VWA8: variants seen among roughly 807,000 people sequenced by gnomAD.
The protein encoded by VWA8 is von Willebrand factor A domain-containing protein 8.
Under a neutral mutation model 241.5 loss-of-function variants are expected in VWA8, and 221 were observed. The observed-to-expected ratio is 0.91, with a 90% CI of 0.82 to 1.02. The LOEUF is 1.02. VWA8 is among the 50% of genes least tolerant of loss of function. The pLI, the probability that VWA8 is intolerant of heterozygous loss-of-function variation, is 0.00. For synonymous variants in VWA8, 852 were observed against 827.1 expected, an observed-to-expected ratio of 1.03 and a Z score of -0.52; for missense variants, 2,322 against 2,328.7, an observed-to-expected ratio of 1.00 and a Z score of 0.06.
Position 41,912,185 on chromosome 13 carries a change from G to T in VWA8, c.242-17C>A, listed in dbSNP as rs1566037045. The T allele has an allele frequency of 6.4e-7, 1 of 1,569,032 alleles. No homozygotes were observed. The highest frequency in any genetic ancestry group is 1.8e-5 in the Admixed American group (1 of 55,562). On this transcript the variant is annotated splice_polypyrimidine_tract_variant and intron_variant, in intron 2 of 44. Transcript: ENST00000379310. ...AGTCTGAAACTATAAAGAAAAAAGA[G>T]AAAATGAAGTGCAAATTTAAGTATT...
intron 20 of VWA8, among the ~76,000 whole-genome samples, chr13:41,772,097 T>C (rs1049320441): frequency 7.4e-5 from 11 of 148,896 alleles, no homozygotes; most frequent in African/African-American, 2.5e-4. Context: ...TCCATGTTGG[T>C]CAGGCTGGTC....
intron 20 of VWA8, among the ~76,000 whole-genome samples, chr13:41,775,855 C>T (rs1289492300): frequency 6.6e-6 from 1 of 152,158 alleles, no homozygotes; most frequent in Non-Finnish European, 1.5e-5. Flanking sequence ...CTCTGAATAG[C>T]TCTCCCCAAT....
intron 14 of VWA8, among the ~76,000 whole-genome samples, chr13:41,821,737 T>C (rs1016309442): frequency 6.6e-6 from 1 of 152,156 alleles, no homozygotes; most frequent in Non-Finnish European, 1.5e-5. Context: ...TTTAAAACAA[T>C]TTTTAAAATA....
chr13:41,774,915 A>C (rs1868518939), intron 20 of VWA8, among the ~76,000 whole-genome samples: 1 of 152,120 alleles, frequency 6.6e-6, no homozygotes, highest in Non-Finnish European at 1.5e-5. Flanking sequence ...GTCTTTGGGT[A>C]CCCAGCTTAT....
chr13:41,627,138 G>T (rs1019519201), intron 37 of VWA8, among the ~76,000 whole-genome samples: 1 of 152,036 alleles, frequency 6.6e-6, no homozygotes, highest in Non-Finnish European at 1.5e-5. Context: ...AGATGTACAC[G>T]TGGCCAAAAA....
At chr13:41,714,524 T>G (rs754280186) in intron 26 of VWA8, among the ~76,000 whole-genome samples, 1 of 151,972 alleles carries the variant, frequency 6.6e-6, no homozygotes, top group African/African-American at 2.4e-5. Flanking sequence ...ACCACAATCT[T>G]TGAGAAGTCT....
chr13:41,949,850 A>C, intron 2 of VWA8, 86 bp downstream of exon 2: 4 of 751,380 alleles, frequency 5.3e-6, no homozygotes, highest in Non-Finnish European at 8.5e-6. Flanking sequence ...GGTTTATACT[A>C]TTCTCTCTAG....
chr13:41,740,199 G>A (rs1336169297), intron 21 of VWA8, among the ~76,000 whole-genome samples: 1 of 152,088 alleles, frequency 6.6e-6, no homozygotes, highest in Non-Finnish European at 1.5e-5. Flanking sequence ...AGATACCTCT[G>A]AGGAATCAGA....
At chr13:41,669,259 TC>T (rs1276628780) in intron 37 of VWA8, among the ~76,000 whole-genome samples, 2 of 152,256 alleles carry the variant, frequency 1.3e-5, no homozygotes, top group Non-Finnish European at 2.9e-5. Context: ...AGATGTTAGA[TC>T]CATAATTCTG....
At chr13:41,675,875 G>T (rs1241663637) in intron 35 of VWA8, among the ~76,000 whole-genome samples, 1 of 152,080 alleles carries the variant, frequency 6.6e-6, no homozygotes, top group Non-Finnish European at 1.5e-5. Context: ...GCAAAGCACC[G>T]ACAGGGGTTG....
chr13:41,600,888 C>T (rs189751699), intron 40 of VWA8, among the ~76,000 whole-genome samples: 6 of 152,160 alleles, frequency 3.9e-5, no homozygotes, highest in South Asian at 4.2e-4. Flanking sequence ...ATTTCAATTA[C>T]GCTGGCTCAG....
intron 20 of VWA8, among the ~76,000 whole-genome samples, chr13:41,766,566 A>G (rs139956996): frequency 1.4e-4 from 21 of 152,302 alleles, no homozygotes; most frequent in Non-Finnish European, 2.8e-4. Flanking sequence ...TTACCTTTCC[A>G]TATCCATATC....
At chr13:41,922,786 C>T (rs1288082617) in intron 2 of VWA8, among the ~76,000 whole-genome samples, 2 of 152,204 alleles carry the variant, frequency 1.3e-5, no homozygotes, top group Non-Finnish European at 2.9e-5. Context: ...TAGGAAACAA[C>T]AGGTTCTAGA....
rs768190464 is a variant in VWA8 at position 41,868,393 on chromosome 13, G to A, written c.1165C>T (p.Gln389Ter). ...VEKMMENHVSQASVTIRIADK... is the reference protein window; with the variant it reads ...VEKMMENHVS Reference sequence around the variant, plus strand: ...GCAATCCGGATGGTCACAGAAGCTTGGGACACATGGTTTTCCATCATCTTC... The same window carrying A: ...GCAATCCGGATGGTCACAGAAGCTTAGGACACATGGTTTTCCATCATCTTC... The change falls in exon 10 of 45, where the codon CAA becomes TAA. Residue 389 changes from glutamine to a stop codon, truncating the protein, a stop_gained. Transcript: ENST00000379310. LOFTEE classifies it high-confidence loss of function. 6 of 1,613,978 alleles carry A rather than the reference G, an allele frequency of 3.7e-6. No homozygotes were observed. The African/African-American group carries it at 8.0e-5, about 22-fold the overall frequency.
chr13:41,670,286 T>C (rs560729797), intron 37 of VWA8, among the ~76,000 whole-genome samples: 11 of 151,680 alleles, frequency 7.3e-5, no homozygotes, highest in Admixed American at 3.3e-4. Context: ...TATATGGGCA[T>C]ATAGCCTTCC....
chr13:41,796,348 AT>A, intron 17 of VWA8, among the ~76,000 whole-genome samples: 1 of 152,228 alleles, frequency 6.6e-6, no homozygotes, highest in African/African-American at 2.4e-5. Flanking sequence ...TTTTAATGAA[AT>A]TTTTTAACTA....
At chr13:41,698,642 T>C (rs1031144196) in intron 29 of VWA8, among the ~76,000 whole-genome samples, 5 of 152,198 alleles carry the variant, frequency 3.3e-5, no homozygotes, top group Non-Finnish European at 5.9e-5. Context: ...CTCAGCACTC[T>C]TTTTAATACC....
At chr13:41,631,548 A>G (rs757206329) in intron 37 of VWA8, among the ~76,000 whole-genome samples, 5 of 152,154 alleles carry the variant, frequency 3.3e-5, no homozygotes, top group Non-Finnish European at 7.4e-5. Flanking sequence ...AGTTGTTTGA[A>G]AGGCTGTCCA....
At chr13:41,776,911 A>T (rs756976465) in intron 20 of VWA8, among the ~76,000 whole-genome samples, 5 of 152,182 alleles carry the variant, frequency 3.3e-5, no homozygotes, top group Non-Finnish European at 7.3e-5. Context: ...TAAGTTTGAG[A>T]GGCTAAATAT....
Sources: gnomAD v4.1 joint callset for allele counts (sites outside exome capture counted in the v4.1 genomes callset) on GRCh38, gnomAD v4.1.1 for gene constraint, MANE v1.5 for transcripts, NCBI Gene and HGNC (gene_info 2026-07-23, HGNC 2026-07-21) for gene names.